DNAH14: variants seen among roughly 807,000 people sequenced by gnomAD.
The protein encoded by DNAH14 is dynein axonemal heavy chain 14.
In DNAH14, 478 loss-of-function variants were observed where a neutral mutation model predicts 520.9. That is an observed-to-expected ratio of 0.92 (90% CI 0.85 to 0.99). The LOEUF (loss-of-function observed/expected upper bound fraction) is 0.99, where lower values mean the gene tolerates loss of function less well. Ranked by LOEUF, DNAH14 falls within the 50% of genes least tolerant of loss-of-function variation. The pLI is 0.00. For missense variants in DNAH14, 4,831 were observed against 5,234.5 expected, an observed-to-expected ratio of 0.92 and a Z score of 2.38; for synonymous variants, 1,581 against 1,757.2, an observed-to-expected ratio of 0.90 and a Z score of 2.51.
intron 11 of DNAH14, among the ~76,000 whole-genome samples, chr1:225,036,122 A>G (rs1417590988): frequency 1.3e-5 from 2 of 151,906 alleles, no homozygotes; most frequent in Non-Finnish European, 2.9e-5. Context: ...ACAGACTAAG[A>G]GGTTTTTTTT....
chr1:225,353,623 T>C (rs1574979916), intron 72 of DNAH14, among the ~76,000 whole-genome samples, 180 bp from the exon 73 acceptor site: 1 of 152,000 alleles, frequency 6.6e-6, no homozygotes, highest in African/African-American at 2.4e-5. Context: ...TCTTTTGAGG[T>C]GTGAAGCATA....
At chr1:225,130,248 G>T (rs2078243884) in intron 27 of DNAH14, among the ~76,000 whole-genome samples, 1 of 152,146 alleles carries the variant, frequency 6.6e-6, no homozygotes, top group Non-Finnish European at 1.5e-5. Flanking sequence ...AATCATTGTG[G>T]AAGTCAGTGT....
intron 4 of DNAH14, among the ~76,000 whole-genome samples, chr1:224,963,385 A>T (rs1252597097): frequency 6.6e-6 from 1 of 152,054 alleles, no homozygotes; most frequent in East Asian, 1.9e-4. Context: ...ATTTTCTTCT[A>T]GTATTTCTAT....
chr1:225,189,873 G>T (rs1286202966), intron 37 of DNAH14, among the ~76,000 whole-genome samples: 1 of 151,496 alleles, frequency 6.6e-6, no homozygotes, highest in African/African-American at 2.4e-5. Flanking sequence ...CTCCAAAATT[G>T]CCTTTTGTGT....
rs796325602 is a variant in DNAH14 at position 225,331,531 on chromosome 1, G to T, written c.9818G>T (p.Arg3273Leu). Reference protein sequence around the residue: ...LANRKTMASRRFQCASVLLTV... With the variant: ...LANRKTMASRLFQCASVLLTV... Reference sequence around the variant, plus strand: ...AATCGGAAAACAATGGCCAGCAGGCGCTTTCAGTGTGCGTCAGTCTTACTA... The same window carrying T: ...AATCGGAAAACAATGGCCAGCAGGCTCTTTCAGTGTGCGTCAGTCTTACTA... The change falls in exon 65 of 86, where the codon CGC becomes CTC. Residue 3273 changes from arginine (R) to leucine (L), a missense_variant. Arg to Leu is a moderately radical substitution (Grantham distance 102, BLOSUM62 -2). Coordinates refer to ENST00000682510, the MANE Select transcript of DNAH14 (RefSeq NM_001367479.1). 6.4e-6 allele frequency: 10 copies of T among 1,551,292 alleles called. No individual in the cohort carries two copies. The Admixed American group carries it at 1.4e-4, about 21-fold the overall frequency.
At chr1:225,374,272 T>TA (rs1558562002) in intron 77 of DNAH14, among the ~76,000 whole-genome samples, 12 of 128,504 alleles carry the variant, frequency 9.3e-5, no homozygotes, top group African/African-American at 3.7e-4. Context: ...ATATATATAT[T>TA]TTTTTTTGAG....
At chr1:225,351,176 G>A (rs1406501546) in intron 71 of DNAH14, among the ~76,000 whole-genome samples, 4 of 152,150 alleles carry the variant, frequency 2.6e-5, no homozygotes, top group African/African-American at 9.7e-5. Context: ...GGTCAAGATT[G>A]GGGGCAGATC....
intron 36 of DNAH14, among the ~76,000 whole-genome samples, chr1:225,183,858 C>T (rs148747476): frequency 4.8e-4 from 73 of 151,970 alleles, no homozygotes; most frequent in Middle Eastern, 3.4e-3. Flanking sequence ...AACAAACCTC[C>T]CAAGATTCAA....
intron 23 of DNAH14, among the ~76,000 whole-genome samples, chr1:225,103,322 G>C (rs530404263): frequency 6.6e-6 from 1 of 152,154 alleles, no homozygotes; most frequent in Non-Finnish European, 1.5e-5. Context: ...GTCAGGTAGC[G>C]TGATGCCTCC....
rs765980744 is a variant in DNAH14, at chr1:224,929,692, A to G, written c.-177A>G. 1 of 702,438 alleles carries G rather than the reference A, an allele frequency of 1.4e-6. No individual in the cohort carries two copies. The highest frequency in any genetic ancestry group is 2.6e-6 in the Non-Finnish European group (1 of 384,870). The allele number at this position is 702,438 out of a possible 1,614,324, so 43.5% of individuals were successfully genotyped here. ...GGCTCTTGGTCAGGCGGTTACGGCC[A>G]GGAGGCGTCGGAGCCTGGCGTGGTA... On this transcript the variant is annotated 5_prime_UTR_variant, in exon 1 of 86. Transcript: ENST00000682510.
chr1:225,351,744 A>C lies in DNAH14; in HGVS notation c.11394A>C (p.Ser3798=). The C allele has an allele frequency of 6.4e-7, 1 of 1,551,294 alleles. No individual in the cohort carries two copies. The highest frequency in any genetic ancestry group is 8.7e-7 in the Non-Finnish European group (1 of 1,146,750). Residue 3798 remains serine (S), a synonymous_variant, in exon 72 of 86, where the codon TCA becomes TCC. Coordinates refer to ENST00000682510, the MANE Select transcript of DNAH14 (RefSeq NM_001367479.1). ...TCAGCACTCACCTGGAACCATTTTC[A>C]CTTCTGTGCAAATCCCTTTTATCAA... ...QYVSTHLEPF[S]LLCKSLLSNV...
chr1:224,951,947 T>C (rs1309926574), intron 1 of DNAH14, among the ~76,000 whole-genome samples: 1 of 152,246 alleles, frequency 6.6e-6, no homozygotes, highest in Non-Finnish European at 1.5e-5. Context: ...CTGGCATTTC[T>C]ATTCTAGTAA....
At chr1:225,051,315 AT>A in intron 16 of DNAH14, 135 bp from the exon 17 acceptor site, 1 of 613,070 alleles carries the variant, frequency 1.6e-6, no homozygotes. Flanking sequence ...ACATATTTCG[AT>A]TTTTAATAGA....
intron 1 of DNAH14, 80 bp downstream of exon 1, chr1:224,929,915 C>G (rs932078530): frequency 1.4e-5 from 8 of 574,286 alleles, no homozygotes; most frequent in African/African-American, 1.4e-4. Context: ...CGGTGTCGCA[C>G]TGGGAGGGCT....
rs189627745 is a variant in DNAH14, at chr1:224,941,657, C to T, written c.-33-11013C>T. Among the ~76,000 whole-genome samples the T allele has an allele frequency of 7.1e-3, 1,085 of 152,302 alleles. 8 individuals are homozygous for T. The highest frequency in any genetic ancestry group is 0.024 in the African/African-American group (1,017 of 41,552). ...ATGGTTTTAGGTCTAACATTTAAGTCTTTAATCCATCTTGAATTAATTTTT... is the reference window on the plus strand; with the variant it reads ...ATGGTTTTAGGTCTAACATTTAAGTTTTTAATCCATCTTGAATTAATTTTT... On this transcript the variant is annotated intron_variant, in intron 1 of 85. Transcript: ENST00000682510.
chr1:225,203,545 C>T (rs976174988), intron 38 of DNAH14, among the ~76,000 whole-genome samples: 1 of 152,184 alleles, frequency 6.6e-6, no homozygotes, highest in Non-Finnish European at 1.5e-5. Flanking sequence ...TGATATATTA[C>T]TCAGCTCTTT....
At chr1:225,128,296 A>T (rs1323783047) in intron 27 of DNAH14, among the ~76,000 whole-genome samples, 1 of 152,022 alleles carries the variant, frequency 6.6e-6, no homozygotes, top group African/African-American at 2.4e-5. Flanking sequence ...AAAAGAAGGA[A>T]TCCTCCCTAA....
Position 225,011,152 on chromosome 1 carries a change from G to A in DNAH14, c.1107+3608G>A, listed in dbSNP as rs183548445. Among the ~76,000 whole-genome samples, 749 of 151,968 alleles carry A rather than the reference G, an allele frequency of 4.9e-3. 3 individuals carry two copies. Among genetic ancestry groups the A allele is most frequent in the Non-Finnish European group, 8.4e-3 (571 of 67,970 alleles). ...TTGTCTTCTGCTAACTTTTGAACTT[G>A]TTTGCTCTTGCTTCTCTAGTTCTTT... is the stretch of plus-strand genomic sequence containing the variant. On this transcript the variant is annotated intron_variant, in intron 10 of 85. Coordinates refer to ENST00000682510, the MANE Select transcript of DNAH14 (RefSeq NM_001367479.1).
chr1:225,049,043 G>T (rs1459806901), intron 15 of DNAH14, among the ~76,000 whole-genome samples: 3 of 120,408 alleles, frequency 2.5e-5, no homozygotes, highest in East Asian at 2.6e-4. Flanking sequence ...TAGATCTCTT[G>T]CCTATTTTTT....
Sources: allele counts gnomAD v4.1 joint callset (sites outside exome capture counted in the v4.1 genomes callset), GRCh38; gene constraint gnomAD v4.1.1; transcripts MANE v1.5; gene names NCBI Gene and HGNC (gene_info 2026-07-23, HGNC 2026-07-21).